The following OTUB2 variants were observed in gnomAD, a reference collection of about 807,000 sequenced individuals.
The protein encoded by OTUB2 is ubiquitin thioesterase OTUB2.
Under a neutral mutation model 25.1 loss-of-function variants are expected in OTUB2, and 21 were observed. That is an observed-to-expected ratio of 0.84 (90% CI 0.59 to 1.21). The LOEUF (loss-of-function observed/expected upper bound fraction) is 1.21. OTUB2 is among the 50% of genes most tolerant of loss of function. The pLI, the probability that OTUB2 is intolerant of heterozygous loss-of-function variation, is 0.00. For missense variants in OTUB2, 283 were observed against 298.0 expected (o/e 0.95, Z 0.37); for synonymous variants, 122 against 122.8 (o/e 0.99, Z 0.04).
intron 1 of OTUB2, among the ~76,000 whole-genome samples, chr14:94,028,723 G>A (rs1884909341): frequency 1.3e-5 from 2 of 152,270 alleles, no homozygotes; most frequent in Admixed American, 6.5e-5. Context: ...CTCACTGCCT[G>A]CTGGCCAAGA....
intron 3 of OTUB2, chr14:94,039,355 G>A (rs538841663): frequency 3.9e-6 from 2 of 507,766 alleles, no homozygotes; most frequent in East Asian, 6.6e-5. Flanking sequence ...GTGAGTCGCA[G>A]GGAGCAGGTA....
intron 1 of OTUB2, among the ~76,000 whole-genome samples, chr14:94,030,801 C>T: frequency 1.4e-5 from 2 of 139,964 alleles, no homozygotes; most frequent in East Asian, 3.9e-4. Context: ...CTTATGAGAG[C>T]AAGGCAGAGT....
At chr14:94,040,614 G>A (rs935876658) in intron 3 of OTUB2, among the ~76,000 whole-genome samples, 5 of 152,202 alleles carry the variant, frequency 3.3e-5, no homozygotes, top group Admixed American at 6.5e-5. Flanking sequence ...ACCAGCCCAC[G>A]TGCTCTGTTT....
At chr14:94,035,730 G>A (rs1170257130) in intron 1 of OTUB2, among the ~76,000 whole-genome samples, 2 of 152,226 alleles carry the variant, frequency 1.3e-5, no homozygotes, top group East Asian at 3.8e-4. Context: ...AAGTTCAAGG[G>A]AGAGCACAAG....
intron 4 of OTUB2, among the ~76,000 whole-genome samples, 181 bp downstream of exon 4, chr14:94,044,236 T>C (rs148177724): frequency 1.3e-5 from 2 of 152,174 alleles, no homozygotes; most frequent in African/African-American, 4.8e-5. Context: ...CCCTATTCCA[T>C]CTCCACCTCA....
intron 5 of OTUB2, 86 bp from the exon 6 acceptor site, chr14:94,045,630 A>C: frequency 7.4e-7 from 1 of 1,345,464 alleles, no homozygotes; most frequent in Non-Finnish European, 1.0e-6. Context: ...GGCTGTGACC[A>C]TGACCCTGAG....
Position 94,047,006 on chromosome 14 carries a change from T to A in OTUB2, c.*1084T>A, listed in dbSNP as rs1452304245. 1 of 152,314 alleles carries A rather than the reference T, an allele frequency of 6.6e-6. No individual in the cohort carries two copies. The highest frequency in any genetic ancestry group is 1.9e-4 in the East Asian group (1 of 5,194). 9.4% of individuals were successfully genotyped at this position (152,314 alleles called of 1,614,324 possible). On this transcript the variant is annotated 3_prime_UTR_variant, in exon 6 of 6. Coordinates refer to ENST00000203664, the MANE Select transcript of OTUB2 (RefSeq NM_023112.4). ...GCTTCCTCCTTCAGCCACCTGGCCA[T>A]ACCCCTTAAATAAGCCCCTCACCTT...
intron 1 of OTUB2, among the ~76,000 whole-genome samples, chr14:94,035,903 C>A (rs1282223184): frequency 6.6e-6 from 1 of 152,290 alleles, no homozygotes; most frequent in East Asian, 1.9e-4. Context: ...CCCAAAAACA[C>A]CCCTGCCCAG....
chr14:94,037,443 C>G lies in OTUB2; in HGVS notation c.67C>G (p.Pro23Ala), dbSNP rs772554590. The G allele has an allele frequency of 6.2e-7, 1 of 1,605,922 alleles. No homozygotes were observed. The highest frequency in any genetic ancestry group is 8.5e-7 in the Non-Finnish European group (1 of 1,172,996). ...CATTCTATCCATTCTTCGGGACCAT[C>G]CTGAAAACAGGATTTACCGGAGGAA... The part of the protein sequence containing the change: ...CDILSILRDH[P>A]ENRIYRRKIE... The change falls in exon 2 of 6, where the codon CCT becomes GCT. Residue 23 changes from proline (P) to alanine (A), a missense_variant. Transcript: ENST00000203664.
In OTUB2 at chr14:94,047,669, CA is replaced by C. The variant is rs1303275639; in HGVS notation, c.*1748del. Reference sequence around the variant, plus strand: ...TGAAAGGTGTGAACGGACACACACACAGCCTGGATGACGCCTTGGCTGTTCT... The same window carrying C: ...TGAAAGGTGTGAACGGACACACACACGCCTGGATGACGCCTTGGCTGTTCT... On this transcript the variant is annotated 3_prime_UTR_variant, in exon 6 of 6. Coordinates refer to ENST00000203664, the MANE Select transcript of OTUB2 (RefSeq NM_023112.4). 2.0e-5 allele frequency: 3 copies of C among 152,264 alleles called. No individual in the cohort carries two copies. Among genetic ancestry groups the C allele is most frequent in the Non-Finnish European group, 2.9e-5 (2 of 68,058 alleles). 9.4% of individuals were successfully genotyped at this position (152,264 alleles called of 1,614,324 possible).
intron 1 of OTUB2, 77 bp downstream of exon 1, chr14:94,026,617 A>T: frequency 1.5e-6 from 1 of 666,870 alleles, no homozygotes; most frequent in Non-Finnish European, 2.0e-6. Flanking sequence ...GAGCGGGTGC[A>T]CCCGCGGGAC....
intron 1 of OTUB2, 43 bp from the exon 2 acceptor site, chr14:94,037,337 C>T (rs868765198): frequency 1.4e-6 from 2 of 1,460,580 alleles, no homozygotes; most frequent in African/African-American, 1.4e-5. Context: ...CCGTCCGTTG[C>T]TTTTGAAATT....
chr14:94,035,613 TTCA>T (rs1885040914), intron 1 of OTUB2, among the ~76,000 whole-genome samples: 1 of 152,086 alleles, frequency 6.6e-6, no homozygotes, highest in Admixed American at 6.5e-5. Flanking sequence ...GGACAATGAA[TTCA>T]TCCTCTATTC....
chr14:94,037,935 G>A (rs1315706870), intron 2 of OTUB2, among the ~76,000 whole-genome samples: 1 of 152,222 alleles, frequency 6.6e-6, no homozygotes, highest in African/African-American at 2.4e-5. Context: ...AGGGATTTGT[G>A]GGAAGGCTGC....
chr14:94,030,924 G>A lies in OTUB2; in HGVS notation c.3+4384G>A, dbSNP rs147261030. ...CCCACAGAAGGAACACCACTCTGTC[G>A]CCATCTTGCTTTAGGCCAGCAACAC... On this transcript the variant is annotated intron_variant, in intron 1 of 5. Transcript: ENST00000203664. Among the ~76,000 whole-genome samples, 747 of 152,260 alleles carry A rather than the reference G, an allele frequency of 4.9e-3. 1 individual carries two copies. Among genetic ancestry groups the A allele is most frequent in the Non-Finnish European group, 7.5e-3 (509 of 68,018 alleles).
rs768485446 is a variant in OTUB2, at chr14:94,044,569, G to A, written c.304-17G>A. On this transcript the variant is annotated splice_polypyrimidine_tract_variant and intron_variant, in intron 4 of 5. Transcript: ENST00000203664. ...GGGCTTGCTTGGCCTCCCTAGCTGA[G>A]GGCCGGGCGGGCGCAGTTTTACAGT... 3 of 1,597,628 alleles carry A rather than the reference G, an allele frequency of 1.9e-6. No individual in the cohort carries two copies. Among genetic ancestry groups the A allele is most frequent in the Non-Finnish European group, 2.6e-6 (3 of 1,168,152 alleles).
At chr14:94,042,809 G>A (rs11622798) in intron 3 of OTUB2, among the ~76,000 whole-genome samples, 80,864 of 152,108 alleles carry the variant, frequency 0.53, 23,448 homozygotes, top group African/African-American at 0.78. Context: ...GCAGCTCTCC[G>A]TTCGCCCTCA....
At chr14:94,034,239 T>A (rs1386304350) in intron 1 of OTUB2, among the ~76,000 whole-genome samples, 1 of 152,242 alleles carries the variant, frequency 6.6e-6, no homozygotes, top group African/African-American at 2.4e-5. Context: ...CTGTTCCACC[T>A]GTGATGAGCA....
chr14:94,043,264 G>A (rs1410707253), intron 3 of OTUB2, among the ~76,000 whole-genome samples: 1 of 152,230 alleles, frequency 6.6e-6, no homozygotes, highest in Non-Finnish European at 1.5e-5. Flanking sequence ...GTGAGGGGCT[G>A]GAGAACTAGG....
Sources: allele counts gnomAD v4.1 joint callset (sites outside exome capture counted in the v4.1 genomes callset), GRCh38; gene constraint gnomAD v4.1.1; transcripts MANE v1.5; gene names NCBI Gene and HGNC (gene_info 2026-07-23, HGNC 2026-07-21).